The following CYFIP1 variants were observed in gnomAD, a reference collection of about 807,000 sequenced individuals.
CYFIP1 encodes the protein cytoplasmic FMR1-interacting protein 1.
In CYFIP1, 58 loss-of-function variants were observed where a neutral mutation model predicts 163.5. The observed-to-expected ratio is 0.35, with a 90% CI of 0.29 to 0.44. The LOEUF (loss-of-function observed/expected upper bound fraction) is 0.44, where lower values mean the gene tolerates loss of function less well. Among genes scored for constraint, CYFIP1 ranks in the 20% least tolerant of loss-of-function variants. The pLI, the probability that CYFIP1 is intolerant of heterozygous loss-of-function variation, is 1.00. For synonymous variants in CYFIP1, 663 were observed against 660.7 expected (o/e 1.00, Z -0.05); for missense variants, 1,338 against 1,653.8 (o/e 0.81, Z 3.31).
At chr15:22,887,326 GC>G (rs756796401) in intron 23 of CYFIP1, among the ~76,000 whole-genome samples, 7 of 152,160 alleles carry the variant, frequency 4.6e-5, no homozygotes, top group Non-Finnish European at 7.3e-5. Flanking sequence ...CCAGGCCCAA[GC>G]CCTGCGGCCC....
chr15:22,926,254 T>C (rs2061354111), intron 12 of CYFIP1, 147 bp from the exon 13 acceptor site: 2 of 1,176,022 alleles, frequency 1.7e-6, no homozygotes, highest in Non-Finnish European at 2.4e-6. Context: ...GCACACACCG[T>C]CCATCTCCAC....
chr15:22,964,274 C>CCACACACACA lies in CYFIP1; in HGVS notation c.-7+16003_-7+16012dup, dbSNP rs60879784. On this transcript the variant is annotated intron_variant, in intron 1 of 30. Transcript: ENST00000617928. ...TGCAGAGTGAGTCCACTCCTCCTCACCACACACACACACACACACACACAC... is the reference window on the plus strand; with the variant it reads ...TGCAGAGTGAGTCCACTCCTCCTCACCACACACACACACACACACACACACACACACACAC... Among the ~76,000 whole-genome samples the CCACACACACA allele has an allele frequency of 1.1e-3, 108 of 97,176 alleles. 1 individual carries two copies. In the East Asian group the frequency reaches 0.016, roughly 15 times the overall value. 63.8% of individuals were successfully genotyped at this position (97,176 alleles called of 152,430 possible).
rs2062002186 is a variant in CYFIP1 at position 22,944,766 on chromosome 15, G to A, written c.285+96C>T. The A allele has an allele frequency of 3.3e-6, 5 of 1,520,602 alleles. No homozygotes were observed. In the African/African-American group the frequency reaches 5.5e-5, roughly 17 times the overall value. 94.2% of individuals were successfully genotyped at this position (1,520,602 alleles called of 1,614,324 possible). A position where few individuals can be genotyped will look rare whatever the true frequency, so the allele number is the denominator to read the frequency against. ...CGCCCTGCTGTGGGGTGAGAACTGGGAGGAGAGTGGGCCAGGCATGGCAGG... is the reference window on the plus strand; with the variant it reads ...CGCCCTGCTGTGGGGTGAGAACTGGAAGGAGAGTGGGCCAGGCATGGCAGG... On this transcript the variant is annotated intron_variant, in intron 4 of 30. Transcript: ENST00000617928.
chr15:22,956,860 C>T (rs55916578), intron 1 of CYFIP1, among the ~76,000 whole-genome samples: 27,644 of 152,274 alleles, frequency 0.18, 2,635 homozygotes, highest in Middle Eastern at 0.24. Flanking sequence ...CCCCTGGCCA[C>T]GGAGGGACCT....
Position 22,872,890 on chromosome 15 carries a change from C to T in CYFIP1, c.3532G>A (p.Asp1178Asn). ...ACTTTAAGTAGATGGTAGCAGAAATCCAGCACAGCAAAACGCCGCTGCTGC... is the reference window on the plus strand; with the variant it reads ...ACTTTAAGTAGATGGTAGCAGAAATTCAGCACAGCAAAACGCCGCTGCTGC... ...LGQQRRFAVL[D>N]FCYHLLKVQK... The change falls in exon 30 of 31, where the codon GAT (aspartate) becomes AAT (asparagine). Residue 1178 changes from aspartate (D) to asparagine (N), a missense_variant. This residue lies in a region of CYFIP1 where 306 missense variants were observed against 322.1 expected (regional missense o/e 0.95). Transcript: ENST00000617928. The T allele has an allele frequency of 6.2e-7, 1 of 1,614,030 alleles. No individual in the cohort carries two copies. Among genetic ancestry groups the T allele is most frequent in the Middle Eastern group, 1.6e-4 (1 of 6,062 alleles).
At chr15:22,925,840 G>C in intron 13 of CYFIP1, 142 bp downstream of exon 13, 1 of 1,260,132 alleles carries the variant, frequency 7.9e-7, no homozygotes, top group Non-Finnish European at 1.1e-6. Flanking sequence ...GTTCTACTCT[G>C]ACTACTCTGC....
rs759615766 is a variant in CYFIP1 at position 22,903,854 on chromosome 15, G to A, written c.2440C>T (p.Arg814Trp). The part of the protein sequence containing the change: ...INRMTHKLLS[R>W]YLTLDGFDAM... Reference sequence around the variant, plus strand: ...TCGAAGCCGTCCAGCGTCAGGTACCGGCTCAGCAGCTTGTGGGTCATGCGG... The same window carrying A: ...TCGAAGCCGTCCAGCGTCAGGTACCAGCTCAGCAGCTTGTGGGTCATGCGG... The change falls in exon 22 of 31, where the codon CGG becomes TGG. Residue 814 changes from arginine (R) to tryptophan (W), a missense_variant. By Grantham distance (101) the Arg-to-Trp change is moderately radical. Around this residue, in one of 4 missense-constraint regions of CYFIP1, gnomAD observed 824 missense variants for 995.7 expected, o/e 0.83. Transcript: ENST00000617928. 2.1e-5 allele frequency: 34 copies of A among 1,614,188 alleles called. No homozygotes were observed. Among genetic ancestry groups the A allele is most frequent in the Non-Finnish European group, 2.6e-5 (31 of 1,180,036 alleles).
At position 22,973,247 on chromosome 15, in the gene CYFIP1, A is replaced by C. The variant is rs1365651668; in HGVS notation, c.-7+7040T>G. Among the ~76,000 whole-genome samples, 3 of 148,170 alleles carry C rather than the reference A, an allele frequency of 2.0e-5. No homozygotes were observed. The Admixed American group carries it at 2.0e-4, about 10-fold the overall frequency. ...GAGAATTGCTTAAGCCCAAAAGGGC[A>C]AGGCTGCAGTAAGCCATGATTGCCC... On this transcript the variant is annotated intron_variant, in intron 1 of 30. Coordinates refer to ENST00000617928, the MANE Select transcript of CYFIP1 (RefSeq NM_014608.6).
intron 11 of CYFIP1, among the ~76,000 whole-genome samples, chr15:22,928,483 TGGC>T (rs1458764123): frequency 1.3e-5 from 2 of 151,340 alleles, no homozygotes; most frequent in East Asian, 1.9e-4. Context: ...CCCGGGAAAA[TGGC>T]GGCCAAGGGC....
intron 22 of CYFIP1, among the ~76,000 whole-genome samples, chr15:22,897,740 T>C (rs945361001): frequency 3.9e-5 from 6 of 152,174 alleles, no homozygotes; most frequent in Non-Finnish European, 7.4e-5. Context: ...TGTCTTGGCC[T>C]CCCAAAGTGC....
At chr15:22,879,871 G>C (rs764431030) in intron 26 of CYFIP1, 42 bp downstream of exon 26, 1 of 1,482,412 alleles carries the variant, frequency 6.7e-7, no homozygotes, top group Non-Finnish European at 9.1e-7. Flanking sequence ...GTGGGGTGGG[G>C]TGGGCTGGGG....
At chr15:22,935,773 T>G (rs2061692852) in intron 9 of CYFIP1, among the ~76,000 whole-genome samples, 1 of 152,118 alleles carries the variant, frequency 6.6e-6, no homozygotes, top group Non-Finnish European at 1.5e-5. Context: ...GAGTAGATCT[T>G]AAGTGTTCTC....
intron 23 of CYFIP1, among the ~76,000 whole-genome samples, chr15:22,892,191 A>G (rs2060102635): frequency 6.6e-6 from 1 of 151,986 alleles, no homozygotes; most frequent in Non-Finnish European, 1.5e-5. Context: ...ATCTGCTTGT[A>G]TTTGCTCTGC....
intron 17 of CYFIP1, among the ~76,000 whole-genome samples, chr15:22,912,788 G>A (rs1430901167): frequency 1.3e-5 from 2 of 152,120 alleles, no homozygotes; most frequent in African/African-American, 4.8e-5. Flanking sequence ...TGGGCGTGGT[G>A]GCGCACGCCT....
chr15:22,979,765 G>T (rs1384840593), intron 1 of CYFIP1, among the ~76,000 whole-genome samples: 5 of 152,200 alleles, frequency 3.3e-5, no homozygotes, highest in African/African-American at 1.2e-4. Flanking sequence ...CTCCAAGAAT[G>T]CCCGGAATGG....
intron 11 of CYFIP1, among the ~76,000 whole-genome samples, chr15:22,929,911 G>A (rs1019115449): frequency 4.7e-5 from 7 of 148,624 alleles, no homozygotes; most frequent in Admixed American, 1.4e-4. Flanking sequence ...ACTCCAGCCT[G>A]GGCAACAGAG....
chr15:22,934,708 C>A (rs373335652), intron 9 of CYFIP1, among the ~76,000 whole-genome samples: 6 of 151,332 alleles, frequency 4.0e-5, no homozygotes, highest in African/African-American at 1.5e-4. Context: ...CCGTGTTAGC[C>A]AGGATGGTCT....
chr15:22,952,255 G>A (rs2062276478), intron 1 of CYFIP1, among the ~76,000 whole-genome samples: 1 of 152,106 alleles, frequency 6.6e-6, no homozygotes, highest in South Asian at 2.1e-4. Context: ...GGTGTTTAGT[G>A]GATACAGAGT....
chr15:22,876,831 T>TAA lies in CYFIP1; in HGVS notation c.3043-1562_3043-1561dup, dbSNP rs11409746. On this transcript the variant is annotated intron_variant, in intron 26 of 30. Coordinates refer to ENST00000617928, the MANE Select transcript of CYFIP1 (RefSeq NM_014608.6). ...GGGCAACAAGCGTGAAACTCCAGTC[T>TAA]AAAAAAAAAAAGAAATGATGTAAAG... Among the ~76,000 whole-genome samples, 58 of 147,954 alleles carry TAA rather than the reference T, an allele frequency of 3.9e-4. 1 individual carries two copies. The highest frequency in any genetic ancestry group is 3.8e-3 in the South Asian group (18 of 4,678).
Sources: allele counts gnomAD v4.1 joint callset (sites outside exome capture counted in the v4.1 genomes callset), GRCh38; gene constraint gnomAD v4.1.1; regional missense constraint gnomAD v4.1.1; transcripts MANE v1.5; gene names NCBI Gene and HGNC (gene_info 2026-07-23, HGNC 2026-07-21).